Variants in TRPV3 observed in about 807,000 individuals in gnomAD.
TRPV3 encodes VRL-3.
TRPV3 carries 88 observed loss-of-function variants against 87.1 expected under a neutral mutation model. The ratio of observed to expected loss-of-function variants is 1.01; its 90% CI spans 0.85 to 1.21. The LOEUF (loss-of-function observed/expected upper bound fraction) is 1.21, where lower values mean the gene tolerates loss of function less well. TRPV3 is among the 50% of genes most tolerant of loss of function. TRPV3 has a pLI of 0.00. For missense variants in TRPV3, 1,054 were observed against 1,030.1 expected, an observed-to-expected ratio of 1.02 and a Z score of -0.32; for synonymous variants, 438 against 423.3, an observed-to-expected ratio of 1.03 and a Z score of -0.43.
intron 12 of TRPV3, among the ~76,000 whole-genome samples, chr17:3,525,157 T>C (rs536222758): frequency 9.3e-5 from 14 of 150,330 alleles, no homozygotes; most frequent in South Asian, 2.1e-4. Flanking sequence ...GTAGCTGGGA[T>C]TACAGGCACC....
At chr17:3,533,048 T>G in intron 7 of TRPV3, 111 bp from the exon 8 acceptor site, 1 of 1,215,578 alleles carries the variant, frequency 8.2e-7, no homozygotes, top group Non-Finnish European at 1.2e-6. Flanking sequence ...CACCTCAGGT[T>G]CCCTAGCCCT....
chr17:3,541,184 G>C (rs1472251706), intron 6 of TRPV3, among the ~76,000 whole-genome samples: 1 of 152,126 alleles, frequency 6.6e-6, no homozygotes, highest in Non-Finnish European at 1.5e-5. Context: ...TGGCCAAAAT[G>C]GTGAAACCCC....
At position 3,540,000 on chromosome 17, in the gene TRPV3, G is replaced by A. The variant is rs577827225; in HGVS notation, c.643+2522C>T. Reference sequence around the variant, plus strand: ...TGAGGCAGGAGAATCACCTGAACCCGGGAGGCAGAGGTTGTGCCACTGCAC... The same window carrying A: ...TGAGGCAGGAGAATCACCTGAACCCAGGAGGCAGAGGTTGTGCCACTGCAC... On this transcript the variant is annotated intron_variant, in intron 6 of 17. Transcript: ENST00000576742. 7.3e-5 allele frequency among the ~76,000 whole-genome samples: 11 copies of A among 150,360 alleles called. No individual in the cohort carries two copies. The East Asian group carries it at 1.0e-3, about 14-fold the overall frequency.
intron 2 of TRPV3, among the ~76,000 whole-genome samples, chr17:3,550,188 T>C (rs2074560915): frequency 6.6e-6 from 1 of 152,204 alleles, no homozygotes; most frequent in African/African-American, 2.4e-5. Context: ...TGACTTCCAC[T>C]GTGCTCTCAG....
Position 3,543,176 on chromosome 17 carries a change from G to A in TRPV3, c.466+298C>T, listed in dbSNP as rs117934144. 7.8e-3 allele frequency among the ~76,000 whole-genome samples: 1,188 copies of A among 152,044 alleles called. 65 individuals carry two copies. Among genetic ancestry groups the A allele is most frequent in the Admixed American group, 0.062 (943 of 15,260 alleles). On this transcript the variant is annotated intron_variant, in intron 5 of 17. Coordinates refer to ENST00000576742, the MANE Select transcript of TRPV3 (RefSeq NM_145068.4). ...TCAAATCCTGCCAATGCTACTGGCC[G>A]AGGAGCTGCTCAGAACCGTTCCCTT... is the stretch of plus-strand genomic sequence containing the variant.
chr17:3,524,160 C>A, intron 13 of TRPV3, 38 bp downstream of exon 13: 1 of 1,603,666 alleles, frequency 6.2e-7, no homozygotes, highest in Non-Finnish European at 8.5e-7. Context: ...AATGGCCATC[C>A]TCCGAGGGCC....
chr17:3,529,108 G>T, intron 9 of TRPV3, 113 bp from the exon 10 acceptor site: 1 of 1,213,612 alleles, frequency 8.2e-7, no homozygotes, highest in Non-Finnish European at 1.2e-6. Flanking sequence ...CCATCATTAT[G>T]CCCGATGGAC....
chr17:3,513,790 G>C lies in TRPV3; in HGVS notation c.*127C>G. The C allele has an allele frequency of 1.3e-6, 1 of 753,364 alleles. No homozygotes were observed. Among genetic ancestry groups the C allele is most frequent in the Non-Finnish European group, 2.3e-6 (1 of 442,710 alleles). 46.7% of individuals were successfully genotyped at this position (753,364 alleles called of 1,614,324 possible). Reference sequence around the variant, plus strand: ...GACACCCACTGAGCACTGAGCACGAGGGTGCACTCTGCTTCTAGGCCAGCA... The same window carrying C: ...GACACCCACTGAGCACTGAGCACGACGGTGCACTCTGCTTCTAGGCCAGCA... On this transcript the variant is annotated 3_prime_UTR_variant, in exon 18 of 18. Coordinates refer to ENST00000576742, the MANE Select transcript of TRPV3 (RefSeq NM_145068.4).
chr17:3,551,826 C>T (rs1410302727), intron 2 of TRPV3, among the ~76,000 whole-genome samples: 1 of 142,490 alleles, frequency 7.0e-6, no homozygotes, highest in Non-Finnish European at 1.5e-5. Flanking sequence ...AGGCCTGTTT[C>T]CTTAGGGGTC....
chr17:3,524,163 C>G, intron 13 of TRPV3, 35 bp downstream of exon 13: 1 of 1,606,824 alleles, frequency 6.2e-7, no homozygotes, highest in South Asian at 1.1e-5. Flanking sequence ...GGCCATCCTC[C>G]GAGGGCCCTC....
chr17:3,533,668 T>C (rs1415179706), intron 7 of TRPV3, among the ~76,000 whole-genome samples: 3 of 152,046 alleles, frequency 2.0e-5, no homozygotes, highest in Non-Finnish European at 4.4e-5. Context: ...CCGGCTAATT[T>C]TTGTATTTTT....
intron 13 of TRPV3, among the ~76,000 whole-genome samples, chr17:3,522,781 C>T (rs771131204): frequency 7.4e-5 from 11 of 148,258 alleles, no homozygotes; most frequent in African/African-American, 1.0e-4. Flanking sequence ...TGCACTATTG[C>T]ACTCCAGCCT....
Position 3,518,196 on chromosome 17 carries a change from T to C in TRPV3, c.2085+380A>G, listed in dbSNP as rs773565764. 5.9e-5 allele frequency among the ~76,000 whole-genome samples: 9 copies of C among 152,258 alleles called. No homozygotes were observed. Among genetic ancestry groups the C allele is most frequent in the Non-Finnish European group, 1.0e-4 (7 of 68,016 alleles). ...ACCACCTCTGAACCCATCCTATGCATTGGTTTCCTCAGCATGTAAGAAGTG... is the reference window on the plus strand; with the variant it reads ...ACCACCTCTGAACCCATCCTATGCACTGGTTTCCTCAGCATGTAAGAAGTG... On this transcript the variant is annotated intron_variant, in intron 15 of 17. Transcript: ENST00000576742. This position sits in a 1 kb window ranked among gnomAD's most constrained non-coding sequence, Gnocchi z 4.3.
In TRPV3 at chr17:3,526,200, C is replaced by T. The variant is rs1012813765; in HGVS notation, c.1577+654G>A. On this transcript the variant is annotated intron_variant, in intron 12 of 17. Coordinates refer to ENST00000576742, the MANE Select transcript of TRPV3 (RefSeq NM_145068.4). The stretch of plus-strand genomic sequence containing the variant: ...AAAACAAATAAGAAGCAGAAGAGGC[C>T]GGCGCAGGAGCTCACACCTGGAATC... Among the ~76,000 whole-genome samples, 94 of 152,004 alleles carry T rather than the reference C, an allele frequency of 6.2e-4. 4 individuals are homozygous for T. Among genetic ancestry groups the T allele is most frequent in the Non-Finnish European group, 2.9e-5 (2 of 67,998 alleles).
rs2074208391 is a variant in TRPV3 at position 3,518,937 on chromosome 17, C to T, written c.1811-87G>A. On this transcript the variant is annotated intron_variant, in intron 14 of 17. Transcript: ENST00000576742. This position sits in a 1 kb window ranked among gnomAD's most constrained non-coding sequence, Gnocchi z 4.3. ...GCGTGTATTTGCCTACATGACAAGC[C>T]TGCTGCCTCCTTCTCTCTGGCCATT... 7.2e-7 allele frequency: 1 copy of T among 1,379,690 alleles called. No individual in the cohort carries two copies. Among genetic ancestry groups the T allele is most frequent in the Non-Finnish European group, 9.8e-7 (1 of 1,018,614 alleles). 85.5% of individuals were successfully genotyped at this position (1,379,690 alleles called of 1,614,324 possible).
rs919945120 is a variant in TRPV3, at chr17:3,530,752, A to C, written c.1066-549T>G. Among the ~76,000 whole-genome samples, 27 of 152,126 alleles carry C rather than the reference A, an allele frequency of 1.8e-4. No individual in the cohort carries two copies. Among genetic ancestry groups the C allele is most frequent in the African/African-American group, 5.8e-4 (24 of 41,424 alleles). ...CTGCTGCATGTTAGGGCTGCTGGGA[A>C]ACTTAGAAATTCCCACAGCATGGCC... On this transcript the variant is annotated intron_variant, in intron 8 of 17. Transcript: ENST00000576742. The surrounding 1 kb of genome is among the most constrained non-coding windows in gnomAD (Gnocchi z 4.0).
rs2074185131 is a variant in TRPV3 at position 3,516,556 on chromosome 17, A to T, written c.2099T>A (p.Ile700Asn). The change falls in exon 16 of 18, where the codon ATC becomes AAC. Residue 700 changes from isoleucine (I) to asparagine (N), a missense_variant. Physicochemically the swap from Ile to Asn is moderately radical, Grantham distance 149 (BLOSUM62 -3). Coordinates refer to ENST00000576742, the MANE Select transcript of TRPV3 (RefSeq NM_145068.4). ...TGGTAACATTTTCTCAAACTCCAAG[A>T]TGGTCCTGGCTCTCTGGGGACATAA... ...RIWRLQRART[I>N]LEFEKMLPEW... is the part of the protein sequence containing the mutation. 1 of 1,613,888 alleles carries T rather than the reference A, an allele frequency of 6.2e-7. No individual in the cohort carries two copies.
At chr17:3,522,279 T>C (rs1433649040) in intron 13 of TRPV3, among the ~76,000 whole-genome samples, 1 of 152,126 alleles carries the variant, frequency 6.6e-6, no homozygotes, top group Admixed American at 6.5e-5. Flanking sequence ...TAACATAATG[T>C]TGGTAGCTGG....
chr17:3,528,249 G>A lies in TRPV3; in HGVS notation c.1402-123C>T. 1 of 678,946 alleles carries A rather than the reference G, an allele frequency of 1.5e-6. No homozygotes were observed. The highest frequency in any genetic ancestry group is 1.9e-5 in the South Asian group (1 of 52,486). The allele number at this position is 678,946 out of a possible 1,614,324, so 42.1% of individuals were successfully genotyped here. A position where few individuals can be genotyped will look rare whatever the true frequency, so the allele number is the denominator to read the frequency against. ...CGGGCCAGAGACCAGCATGAAACCT[G>A]ATCTCTGTACAGGGCAAGAGAAGGA... On this transcript the variant is annotated intron_variant, in intron 10 of 17. Coordinates refer to ENST00000576742, the MANE Select transcript of TRPV3 (RefSeq NM_145068.4). This position sits in a 1 kb window ranked among gnomAD's most constrained non-coding sequence, Gnocchi z 4.2.
Sources: gnomAD v4.1 joint callset for allele counts (sites outside exome capture counted in the v4.1 genomes callset) on GRCh38, gnomAD v4.1.1 for gene constraint, Gnocchi (gnomAD v3.1) non-coding constraint, MANE v1.5 for transcripts, NCBI Gene and HGNC (gene_info 2026-07-23, HGNC 2026-07-21) for gene names.